RELN: variants seen among roughly 807,000 people sequenced by gnomAD.
The protein encoded by RELN is reelin.
In RELN, 108 loss-of-function variants were observed where a neutral mutation model predicts 427.6. The ratio of observed to expected loss-of-function variants is 0.25; its 90% CI spans 0.22 to 0.30. RELN has a LOEUF of 0.30. RELN is among the 10% of genes least tolerant of loss of function. RELN has a pLI of 1.00. For missense variants in RELN, 3,715 were observed against 4,302.8 expected (o/e 0.86, Z 3.82); for synonymous variants, 1,524 against 1,513.4 (o/e 1.01, Z -0.16).
chr7:103,625,610 G>A lies in RELN; in HGVS notation c.2702+4330C>T, dbSNP rs142809046. Among the ~76,000 whole-genome samples, 744 of 152,034 alleles carry A rather than the reference G, an allele frequency of 4.9e-3. 4 individuals carry two copies. The highest frequency in any genetic ancestry group is 7.4e-3 in the Non-Finnish European group (506 of 67,980). On this transcript the variant is annotated intron_variant, in intron 20 of 64. Transcript: ENST00000428762. ...ATCTATGATCTCATTTAATCTTTAC[G>A]ACAATTTTGAGAGTAAGTATCATTG...
Position 103,472,673 on chromosome 7 carries a change from A to G in RELN, c.*139T>C. The G allele has an allele frequency of 1.4e-6, 1 of 704,558 alleles. No homozygotes were observed. Among genetic ancestry groups the G allele is most frequent in the Non-Finnish European group, 2.6e-6 (1 of 390,730 alleles). 43.6% of individuals were successfully genotyped at this position (704,558 alleles called of 1,614,324 possible). ...TTCACAGTGTGGGAAAGTGGTGTACACTCGGTCTTGAGAAGGGCTTTCAGG... is the reference window on the plus strand; with the variant it reads ...TTCACAGTGTGGGAAAGTGGTGTACGCTCGGTCTTGAGAAGGGCTTTCAGG... On this transcript the variant is annotated 3_prime_UTR_variant, in exon 65 of 65. Coordinates refer to ENST00000428762, the MANE Select transcript of RELN (RefSeq NM_005045.4).
intron 7 of RELN, among the ~76,000 whole-genome samples, chr7:103,723,694 G>A (rs1790133688): frequency 6.6e-6 from 1 of 152,160 alleles, no homozygotes; most frequent in South Asian, 2.1e-4. Context: ...CTTTGTGGAG[G>A]GGTGTGATGA....
At chr7:103,768,851 G>A (rs918289108) in intron 4 of RELN, among the ~76,000 whole-genome samples, 2 of 151,990 alleles carry the variant, frequency 1.3e-5, no homozygotes, top group Admixed American at 1.3e-4. Flanking sequence ...TCTTGAGAAG[G>A]GATTTATTCT....
intron 24 of RELN, among the ~76,000 whole-genome samples, chr7:103,600,253 C>T (rs1373293499): frequency 6.6e-6 from 1 of 152,156 alleles, no homozygotes; most frequent in African/African-American, 2.4e-5. Flanking sequence ...CTAAGGAGCC[C>T]TTCCTTTGGG....
chr7:103,926,891 C>CT (rs75063439), intron 1 of RELN, among the ~76,000 whole-genome samples: 21 of 105,160 alleles, frequency 2.0e-4, no homozygotes, highest in African/African-American at 8.2e-4. Flanking sequence ...CGTGATCCAC[C>CT]CCCTTGGCCT....
chr7:103,636,651 A>C (rs913434902), intron 17 of RELN, among the ~76,000 whole-genome samples, 183 bp from the exon 18 acceptor site: 1 of 152,188 alleles, frequency 6.6e-6, no homozygotes, highest in African/African-American at 2.4e-5. Flanking sequence ...TAAATATTCC[A>C]GACAAATACA....
At chr7:103,576,849 G>T (rs1253498384) in intron 28 of RELN, among the ~76,000 whole-genome samples, 4 of 152,170 alleles carry the variant, frequency 2.6e-5, no homozygotes, top group African/African-American at 9.7e-5. Context: ...CAGTTTTGAG[G>T]TTGCCAATAG....
intron 3 of RELN, among the ~76,000 whole-genome samples, chr7:103,780,895 T>C (rs1791872355): frequency 6.6e-6 from 1 of 152,220 alleles, no homozygotes; most frequent in African/African-American, 2.4e-5. Context: ...CATCTTCCTG[T>C]ATGCTACTGC....
intron 4 of RELN, among the ~76,000 whole-genome samples, chr7:103,774,121 C>T (rs1791675949): frequency 6.6e-6 from 1 of 151,778 alleles, no homozygotes; most frequent in African/African-American, 2.4e-5. Flanking sequence ...CATGGTGAAA[C>T]CTCGTCTCTA....
At chr7:103,492,148 G>A (rs1828695091) in intron 57 of RELN, 122 bp from the exon 58 acceptor site, 1 of 774,726 alleles carries the variant, frequency 1.3e-6, no homozygotes, top group Non-Finnish European at 2.2e-6. Context: ...CTTTTATAGA[G>A]CAGCCTGCTG....
At chr7:103,737,769 G>A (rs1790530955) in intron 6 of RELN, among the ~76,000 whole-genome samples, 2 of 152,166 alleles carry the variant, frequency 1.3e-5, no homozygotes, top group African/African-American at 4.8e-5. Flanking sequence ...CCCCGGTCCT[G>A]TAATATTGTC....
chr7:103,620,374 G>T lies in RELN; in HGVS notation c.2703-8571C>A, dbSNP rs1168779776. Among the ~76,000 whole-genome samples, 2 of 151,914 alleles carry T rather than the reference G, an allele frequency of 1.3e-5. No homozygotes were observed. Among genetic ancestry groups the T allele is most frequent in the Admixed American group, 6.6e-5 (1 of 15,240 alleles). ...ACTAACACAACTTCAATTCATCTCC[G>T]ATCTCAGGCTATCCATAACTCCCTG... On this transcript the variant is annotated intron_variant, in intron 20 of 64. Coordinates refer to ENST00000428762, the MANE Select transcript of RELN (RefSeq NM_005045.4). The surrounding 1 kb of genome is among the most constrained non-coding windows in gnomAD (Gnocchi z 4.1).
intron 12 of RELN, among the ~76,000 whole-genome samples, chr7:103,655,058 T>C (rs771141740): frequency 8.6e-5 from 13 of 152,046 alleles, no homozygotes; most frequent in Non-Finnish European, 1.9e-4. Flanking sequence ...GCAATCCTCC[T>C]ACCTTTGTCT....
Position 103,574,100 on chromosome 7 carries a change from C to T in RELN, c.4503G>A (p.Arg1501=), listed in dbSNP as rs1326224843. The T allele has an allele frequency of 1.2e-6, 2 of 1,612,712 alleles. No individual in the cohort carries two copies. Among genetic ancestry groups the T allele is most frequent in the Non-Finnish European group, 1.7e-6 (2 of 1,178,746 alleles). The stretch of plus-strand genomic sequence containing the variant: ...CAGTTAATACTTGTTACCTGATATT[C>T]CTGGTGTCCAGAGGGACCGTCCGGG... ...REARTVPLDT[R]NIRLVQFYIQ... Residue 1501 remains arginine (R), a synonymous_variant, in exon 30 of 65, where the codon AGG becomes AGA. Transcript: ENST00000428762.
intron 3 of RELN, among the ~76,000 whole-genome samples, chr7:103,795,832 A>G (rs971093942): frequency 6.6e-6 from 1 of 152,224 alleles, no homozygotes; most frequent in African/African-American, 2.4e-5. Flanking sequence ...CTGGATAAGT[A>G]GCAACAAGGA....
At chr7:103,787,927 A>C (rs1377764615) in intron 3 of RELN, among the ~76,000 whole-genome samples, 1 of 152,154 alleles carries the variant, frequency 6.6e-6, no homozygotes, top group East Asian at 1.9e-4. Flanking sequence ...TCGATGCAAA[A>C]ATCCTCAATA....
At chr7:103,763,795 C>T (rs1193815299) in intron 4 of RELN, among the ~76,000 whole-genome samples, 5 of 151,906 alleles carry the variant, frequency 3.3e-5, no homozygotes, top group Non-Finnish European at 7.4e-5. Flanking sequence ...TGGGACAGAT[C>T]AGGGAAGTCC....
intron 8 of RELN, among the ~76,000 whole-genome samples, chr7:103,720,095 TATA>T (rs1367860677): frequency 1.3e-5 from 2 of 151,546 alleles, no homozygotes; most frequent in African/African-American, 4.9e-5. Context: ...GTATAATATA[TATA>T]ATTATATAAA....
intron 61 of RELN, among the ~76,000 whole-genome samples, chr7:103,485,697 A>C (rs79442653): frequency 0.013 from 1,926 of 152,256 alleles, 28 homozygotes; most frequent in Non-Finnish European, 0.023. Context: ...AACCCTCAGC[A>C]ATTTAACCCT....
Sources: allele counts gnomAD v4.1 joint callset (sites outside exome capture counted in the v4.1 genomes callset), GRCh38; gene constraint gnomAD v4.1.1; non-coding constraint Gnocchi (gnomAD v3.1); transcripts MANE v1.5; gene names NCBI Gene and HGNC (gene_info 2026-07-23, HGNC 2026-07-21).